CNTNAP5: variants seen among roughly 807,000 people sequenced by gnomAD.
CNTNAP5 encodes the protein contactin-associated protein-like 5.
Under a neutral mutation model 150.2 loss-of-function variants are expected in CNTNAP5, and 72 were observed. The ratio of observed to expected loss-of-function variants is 0.48; its 90% CI spans 0.40 to 0.58. The LOEUF is 0.58. Ranked by LOEUF, CNTNAP5 falls within the 20% of genes least tolerant of loss-of-function variation. The probability of loss-of-function intolerance (pLI) is 0.00; values close to 1 mark genes in which losing one functional copy is unlikely to be tolerated. For missense variants in CNTNAP5, 1,636 were observed against 1,626.2 expected (o/e 1.01, Z -0.10); for synonymous variants, 672 against 619.8 (o/e 1.08, Z -1.25).
rs903827909 is a variant in CNTNAP5 at position 124,513,962 on chromosome 2, G to A, written c.1327+9406G>A. 5.9e-5 allele frequency among the ~76,000 whole-genome samples: 9 copies of A among 152,286 alleles called. No homozygotes were observed. In the South Asian group the frequency reaches 1.2e-3, roughly 21 times the overall value. On this transcript the variant is annotated intron_variant, in intron 8 of 23. Coordinates refer to ENST00000682447, the MANE Select transcript of CNTNAP5 (RefSeq NM_001367498.1). ...CACATCAAGTAAACATGACGAGGCC[G>A]CAAGCTTCATCCTCTGCTTCAATTA...
intron 3 of CNTNAP5, among the ~76,000 whole-genome samples, chr2:124,297,088 G>A (rs1479995766): frequency 6.6e-6 from 1 of 152,172 alleles, no homozygotes; most frequent in East Asian, 1.9e-4. Flanking sequence ...GAAATTAGGG[G>A]ATATGCCTTT....
chr2:124,297,905 C>T (rs1045875394), intron 3 of CNTNAP5, among the ~76,000 whole-genome samples: 21 of 150,956 alleles, frequency 1.4e-4, no homozygotes, highest in Middle Eastern at 3.4e-3. Flanking sequence ...AGTGCAGTGG[C>T]GCAATCTTGG....
intron 10 of CNTNAP5, among the ~76,000 whole-genome samples, chr2:124,528,025 G>A (rs1285847454): frequency 6.6e-6 from 1 of 152,126 alleles, no homozygotes; most frequent in Non-Finnish European, 1.5e-5. Flanking sequence ...TATATTAGAA[G>A]TTTCTAAATG....
intron 17 of CNTNAP5, among the ~76,000 whole-genome samples, chr2:124,786,482 A>C: frequency 7.6e-6 from 1 of 131,884 alleles, no homozygotes; most frequent in African/African-American, 3.3e-5. Context: ...GAAGGAAGGA[A>C]GGAGGGAAGG....
chr2:124,525,363 G>A (rs976904114), intron 9 of CNTNAP5, among the ~76,000 whole-genome samples: 5 of 152,188 alleles, frequency 3.3e-5, no homozygotes, highest in Non-Finnish European at 7.3e-5. Context: ...GTACGACCAA[G>A]GTGTAAGCAT....
At chr2:124,031,509 A>G (rs750744966) in intron 1 of CNTNAP5, among the ~76,000 whole-genome samples, 89 of 152,222 alleles carry the variant, frequency 5.8e-4, no homozygotes, top group Non-Finnish European at 1.9e-4. Context: ...ACAGAAGTTC[A>G]GATCACCTGA....
chr2:124,289,489 A>C (rs928472819), intron 3 of CNTNAP5, among the ~76,000 whole-genome samples: 4 of 152,228 alleles, frequency 2.6e-5, no homozygotes, highest in African/African-American at 9.6e-5. Flanking sequence ...ATTTGTCATC[A>C]GTCTCCATAA....
intron 7 of CNTNAP5, among the ~76,000 whole-genome samples, chr2:124,488,804 C>T (rs1445008392): frequency 6.6e-6 from 1 of 152,202 alleles, no homozygotes; most frequent in African/African-American, 2.4e-5. Flanking sequence ...AGCATCTTCT[C>T]ATAGAAGGCT....
chr2:124,478,567 T>C (rs185749906), intron 7 of CNTNAP5, among the ~76,000 whole-genome samples: 2 of 152,212 alleles, frequency 1.3e-5, no homozygotes, highest in African/African-American at 4.8e-5. Flanking sequence ...GTCTATCTCC[T>C]TTAGGAATTT....
At position 124,626,325 on chromosome 2, in the gene CNTNAP5, T is replaced by A. The variant is rs139704053; in HGVS notation, c.1876+16405T>A. On this transcript the variant is annotated intron_variant, in intron 12 of 23. Coordinates refer to ENST00000682447, the MANE Select transcript of CNTNAP5 (RefSeq NM_001367498.1). ...AACAGCTCTAGCCTGCAGCTCCCAG[T>A]GAGACGAATGCAGAACGTGGGTGAT... Among the ~76,000 whole-genome samples the A allele has an allele frequency of 2.6e-3, 394 of 152,198 alleles. 1 individual carries two copies. Among genetic ancestry groups the A allele is most frequent in the African/African-American group, 8.8e-3 (367 of 41,534 alleles).
intron 13 of CNTNAP5, among the ~76,000 whole-genome samples, chr2:124,716,831 C>A (rs1294470635): frequency 6.6e-6 from 1 of 152,262 alleles, no homozygotes; most frequent in African/African-American, 2.4e-5. Context: ...CTGTTGTTCC[C>A]TTTGCAGTTT....
At chr2:124,099,027 A>G (rs935777067) in intron 1 of CNTNAP5, among the ~76,000 whole-genome samples, 2 of 152,292 alleles carry the variant, frequency 1.3e-5, no homozygotes. Flanking sequence ...AATTAAGCCC[A>G]AGCTCCTTTG....
chr2:124,704,081 C>A (rs1484731828), intron 13 of CNTNAP5, among the ~76,000 whole-genome samples: 1 of 152,170 alleles, frequency 6.6e-6, no homozygotes, highest in Non-Finnish European at 1.5e-5. Context: ...CACAAAAACA[C>A]AGAAGGTCAA....
intron 1 of CNTNAP5, among the ~76,000 whole-genome samples, chr2:124,027,472 C>T (rs35389770): frequency 1.3e-4 from 20 of 152,182 alleles, no homozygotes; most frequent in Non-Finnish European, 2.8e-4. Context: ...ATACTCCACA[C>T]GCATATGGCT....
chr2:124,844,549 G>T (rs1439664376), intron 19 of CNTNAP5, among the ~76,000 whole-genome samples: 1 of 151,510 alleles, frequency 6.6e-6, no homozygotes, highest in Non-Finnish European at 1.5e-5. Flanking sequence ...TGATGGTGGT[G>T]TTTTGATGGG....
chr2:124,516,743 T>A lies in CNTNAP5; in HGVS notation c.1328-7560T>A, dbSNP rs547491635. Among the ~76,000 whole-genome samples, 13 of 152,322 alleles carry A rather than the reference T, an allele frequency of 8.5e-5. No homozygotes were observed. In the South Asian group the frequency reaches 2.7e-3, roughly 32 times the overall value. ...AAAGGTTCATTGACACCTTGCAACA[T>A]TGATTATGATCTTGCTTTTTATTTT... On this transcript the variant is annotated intron_variant, in intron 8 of 23. Transcript: ENST00000682447.
intron 1 of CNTNAP5, among the ~76,000 whole-genome samples, chr2:124,206,603 G>A (rs577201302): frequency 6.6e-6 from 1 of 152,292 alleles, no homozygotes; most frequent in East Asian, 1.9e-4. Context: ...ATGAGGGATA[G>A]CTAGAGAAGA....
intron 7 of CNTNAP5, among the ~76,000 whole-genome samples, chr2:124,493,948 C>T (rs1356956655): frequency 8.6e-6 from 1 of 116,190 alleles, no homozygotes; most frequent in Non-Finnish European, 1.9e-5. Context: ...AGTTTGGAGA[C>T]AAAAGAAAAC....
intron 16 of CNTNAP5, among the ~76,000 whole-genome samples, chr2:124,769,305 G>A (rs1408749889): frequency 1.3e-5 from 2 of 151,836 alleles, no homozygotes; most frequent in Non-Finnish European, 2.9e-5. Context: ...TTTTTTATCA[G>A]TCTTCTCAAA....
Sources: gnomAD v4.1 joint callset for allele counts (sites outside exome capture counted in the v4.1 genomes callset) on GRCh38, gnomAD v4.1.1 for gene constraint, MANE v1.5 for transcripts, NCBI Gene and HGNC (gene_info 2026-07-23, HGNC 2026-07-21) for gene names.